Variants in RHOU observed in about 807,000 individuals in gnomAD.
RHOU encodes the protein ras homolog family member U.
A neutral mutation model predicts 12.6 loss-of-function variants in RHOU; 8 were observed. The observed-to-expected ratio is 0.64, with a 90% CI of 0.37 to 1.15. The LOEUF is 1.15. RHOU is among the 50% of genes most tolerant of loss of function. RHOU has a pLI of 0.01. For synonymous variants in RHOU, 161 were observed against 147.4 expected (o/e 1.09, Z -0.67); for missense variants, 258 against 347.0 (o/e 0.74, Z 2.04).
the RHOU span, among the ~76,000 whole-genome samples, chr1:228,727,015 A>G: frequency 3.9e-5 from 6 of 152,304 alleles, no homozygotes; most frequent in East Asian, 9.7e-4. Context: ...TGCCCTCACC[A>G]TACACTGTCT....
chr1:228,685,957 T>C, the RHOU span, among the ~76,000 whole-genome samples: 1 of 152,224 alleles, frequency 6.6e-6, no homozygotes, highest in Non-Finnish European at 1.5e-5. Context: ...AATTTTATTC[T>C]GATCAGAGTT....
At chr1:228,718,795 T>C in the RHOU span, among the ~76,000 whole-genome samples, 1 of 152,174 alleles carries the variant, frequency 6.6e-6, no homozygotes, top group Non-Finnish European at 1.5e-5. Context: ...TAGACTGCTA[T>C]AAACACTTCC....
upstream of RHOU, among the ~76,000 whole-genome samples, chr1:228,731,902 G>A (rs890089535): frequency 2.6e-5 from 4 of 152,164 alleles, no homozygotes; most frequent in East Asian, 1.9e-4. Flanking sequence ...CAATGAAGGC[G>A]TTGTACTGTC....
the RHOU span, among the ~76,000 whole-genome samples, chr1:228,676,346 T>C: frequency 1.1e-4 from 16 of 152,200 alleles, no homozygotes; most frequent in East Asian, 2.7e-3. Flanking sequence ...TAAAAAAATG[T>C]TTTTTGTTTG....
chr1:228,648,900 C>T, the RHOU span, among the ~76,000 whole-genome samples: 1 of 151,378 alleles, frequency 6.6e-6, no homozygotes, highest in Non-Finnish European at 1.5e-5. Flanking sequence ...GATTCTCGCT[C>T]TGTTGGCCAG....
chr1:228,707,105 CATATATATATATATATATATACATAT>C, the RHOU span, among the ~76,000 whole-genome samples: 5 of 70,834 alleles, frequency 7.1e-5, no homozygotes, highest in Non-Finnish European at 1.0e-4. Context: ...TATATACATA[CATATATATATATATATATATACATAT>C]ATATATATAT....
At chr1:228,693,707 C>A in the RHOU span, among the ~76,000 whole-genome samples, 1 of 152,270 alleles carries the variant, frequency 6.6e-6, no homozygotes, top group African/African-American at 2.4e-5. Context: ...ACCTCATGAT[C>A]GGCCCTCCTT....
At chr1:228,725,721 A>G in the RHOU span, among the ~76,000 whole-genome samples, 6 of 152,238 alleles carry the variant, frequency 3.9e-5, no homozygotes, top group Non-Finnish European at 8.8e-5. Flanking sequence ...GCAATTTAAG[A>G]CTTTCAAATT....
At chr1:228,686,614 G>A in the RHOU span, among the ~76,000 whole-genome samples, 1 of 152,172 alleles carries the variant, frequency 6.6e-6, no homozygotes, top group Admixed American at 6.5e-5. Flanking sequence ...TTGGGTCGGT[G>A]CAAAACTCAT....
At chr1:228,654,644 A>G in the RHOU span, among the ~76,000 whole-genome samples, 1 of 152,186 alleles carries the variant, frequency 6.6e-6, no homozygotes, top group South Asian at 2.1e-4. Flanking sequence ...TTGGCATGAT[A>G]ATGACATAAT....
intron 2 of RHOU, among the ~76,000 whole-genome samples, chr1:228,739,609 A>C (rs956387084): frequency 6.6e-6 from 1 of 152,208 alleles, no homozygotes; most frequent in Non-Finnish European, 1.5e-5. Context: ...AAACATAGCC[A>C]TCGGACCTGC....
rs1279320932 is a variant in RHOU at position 228,738,143 on chromosome 1, C to T, written c.321+412C>T. On this transcript the variant is annotated intron_variant, in intron 2 of 2. Coordinates refer to ENST00000366691, the MANE Select transcript of RHOU (RefSeq NM_021205.6). This position sits in a 1 kb window ranked among gnomAD's most constrained non-coding sequence, Gnocchi z 4.2. The stretch of plus-strand genomic sequence containing the variant: ...GAGTCAGATATTGAAGAAATTTGCT[C>T]AAGAAAAAGATGGAATTTACATCAG... 1.3e-5 allele frequency among the ~76,000 whole-genome samples: 2 copies of T among 152,142 alleles called. No individual in the cohort carries two copies. The highest frequency in any genetic ancestry group is 4.8e-5 in the African/African-American group (2 of 41,418).
At chr1:228,647,854 T>G in the RHOU span, 1 of 152,038 alleles carries the variant, frequency 6.6e-6, no homozygotes, top group Non-Finnish European at 1.5e-5. Flanking sequence ...AGATTTACGG[T>G]GCGGTTGAGA....
At position 228,746,416 on chromosome 1, in the gene RHOU, T is replaced by C. The variant is rs565188052; in HGVS notation, c.*2676T>C. 70 of 152,356 alleles carry C rather than the reference T, an allele frequency of 4.6e-4. No individual in the cohort carries two copies. Among genetic ancestry groups the C allele is most frequent in the African/African-American group, 1.6e-3 (68 of 41,576 alleles). The allele number at this position is 152,356 out of a possible 1,614,324, so 9.4% of individuals were successfully genotyped here. A position where few individuals can be genotyped will look rare whatever the true frequency, so the allele number is the denominator to read the frequency against. On this transcript the variant is annotated 3_prime_UTR_variant, in exon 3 of 3. Transcript: ENST00000366691. ...ATACAGCATACTTCAAAACTGTTTG[T>C]TATCTCTTGTTACCATGTATGTATA... is the stretch of plus-strand genomic sequence containing the variant.
At chr1:228,665,758 G>A in the RHOU span, among the ~76,000 whole-genome samples, 1 of 152,066 alleles carries the variant, frequency 6.6e-6, no homozygotes, top group Non-Finnish European at 1.5e-5. Context: ...TCAAGGAATT[G>A]GAAGAATAAT....
chr1:228,654,963 T>TA, the RHOU span, among the ~76,000 whole-genome samples: 1 of 152,102 alleles, frequency 6.6e-6, no homozygotes, highest in African/African-American at 2.4e-5. Context: ...ATACACAAAA[T>TA]AAAAAAACAG....
the RHOU span, among the ~76,000 whole-genome samples, chr1:228,665,416 G>A: frequency 6.6e-6 from 1 of 152,224 alleles, no homozygotes; most frequent in Non-Finnish European, 1.5e-5. Flanking sequence ...TAGGGTGAAG[G>A]CAGTGAGGCT....
the RHOU span, among the ~76,000 whole-genome samples, chr1:228,719,113 C>G: frequency 1.3e-5 from 2 of 152,134 alleles, no homozygotes; most frequent in African/African-American, 2.4e-5. Flanking sequence ...GATGGCTTCA[C>G]CAGCCATGTC....
the RHOU span, among the ~76,000 whole-genome samples, chr1:228,664,205 G>A: frequency 6.7e-6 from 1 of 148,874 alleles, no homozygotes; most frequent in African/African-American, 2.5e-5. Flanking sequence ...TTTTTGTAGA[G>A]GCGAGGTTTC....
Sources: gnomAD v4.1 joint callset for allele counts (sites outside exome capture counted in the v4.1 genomes callset) on GRCh38, gnomAD v4.1.1 for gene constraint, Gnocchi (gnomAD v3.1) non-coding constraint, MANE v1.5 for transcripts, NCBI Gene and HGNC (gene_info 2026-07-23, HGNC 2026-07-21) for gene names.